The following ITGA2 variants were observed in gnomAD, a reference collection of about 807,000 sequenced individuals.
ITGA2 encodes the protein integrin alpha-2.
ITGA2 carries 101 observed loss-of-function variants against 146.3 expected under a neutral mutation model. The observed-to-expected ratio is 0.69, with a 90% CI of 0.59 to 0.81. The LOEUF (loss-of-function observed/expected upper bound fraction) is 0.81, where lower values mean the gene tolerates loss of function less well. Ranked by LOEUF, ITGA2 falls within the 40% of genes least tolerant of loss-of-function variation. The pLI, the probability that ITGA2 is intolerant of heterozygous loss-of-function variation, is 0.00. For synonymous variants in ITGA2, 477 were observed against 487.1 expected, an observed-to-expected ratio of 0.98 and a Z score of 0.27; for missense variants, 1,281 against 1,402.7, an observed-to-expected ratio of 0.91 and a Z score of 1.39.
At chr5:53,075,579 C>T (rs145906249) in intron 23 of ITGA2, among the ~76,000 whole-genome samples, 273 of 152,038 alleles carry the variant, frequency 1.8e-3, no homozygotes, top group Admixed American at 4.5e-3. Context: ...ATTGCAGGCC[C>T]TCTGAGTAGC....
In ITGA2 at chr5:53,058,046, A is replaced by G. The variant is rs199761570; in HGVS notation, c.1118A>G (p.Asn373Ser). 9.9e-6 allele frequency: 16 copies of G among 1,611,466 alleles called. No homozygotes were observed. The East Asian group carries it at 1.3e-4, about 14-fold the overall frequency. Residue 373 changes from asparagine (N) to serine (S), a missense_variant, in exon 10 of 30, where the codon AAC becomes AGC. Asn to Ser is a conservative substitution (Grantham distance 46, BLOSUM62 1). Transcript: ENST00000296585. Reference sequence around the variant, plus strand: ...CCAGGTACTGTTCAAGGAGGAGACAACTTTCAGATGGAAATGTCACAAGTG... The same window carrying G: ...CCAGGTACTGTTCAAGGAGGAGACAGCTTTCAGATGGAAATGTCACAAGTG... ...SIEGTVQGGD[N>S]FQMEMSQVGF... is the part of the protein sequence containing the mutation.
Position 53,087,030 on chromosome 5 carries a change from A to G in ITGA2, c.3337A>G (p.Asn1113Asp). The change falls in exon 28 of 30, where the codon AAC (asparagine) becomes GAC (aspartate). Residue 1113 changes from asparagine (N) to aspartate (D), a missense_variant. Transcript: ENST00000296585. Reference sequence around the variant, plus strand: ...CCCTGAGATATATGTGATTGAAGATAACACTGTTACGGTGAGCATATCACA... The same window carrying G: ...CCCTGAGATATATGTGATTGAAGATGACACTGTTACGGTGAGCATATCACA... ...YNPEIYVIED[N>D]TVTIPLMIMK... The G allele has an allele frequency of 6.2e-7, 1 of 1,612,156 alleles. No homozygotes were observed. The highest frequency in any genetic ancestry group is 8.5e-7 in the Non-Finnish European group (1 of 1,178,360).
chr5:53,028,101 C>A (rs889109976), intron 2 of ITGA2, among the ~76,000 whole-genome samples: 3 of 152,042 alleles, frequency 2.0e-5, no homozygotes, highest in South Asian at 2.1e-4. Flanking sequence ...GAGGAAAAAA[C>A]CGTAACTGTA....
intron 9 of ITGA2, among the ~76,000 whole-genome samples, chr5:53,056,535 G>A (rs187161091): frequency 6.6e-6 from 1 of 151,890 alleles, no homozygotes; most frequent in Admixed American, 6.6e-5. Context: ...GACTTTTGGG[G>A]GACAATGTAT....
rs1002194767 is a variant in ITGA2 at position 53,094,773 on chromosome 5, T to TAA, written c.*4175_*4176dup. On this transcript the variant is annotated 3_prime_UTR_variant, in exon 30 of 30. Transcript: ENST00000296585. ...TAAAGCCATTTTCTTTGGGCTTTTATAAGTTATATATTTTACTATTTTTAT... is the reference window on the plus strand; with the variant it reads ...TAAAGCCATTTTCTTTGGGCTTTTATAAAAGTTATATATTTTACTATTTTTAT... 14 of 152,232 alleles carry TAA rather than the reference T, an allele frequency of 9.2e-5. No homozygotes were observed. Among genetic ancestry groups the TAA allele is most frequent in the African/African-American group, 3.4e-4 (14 of 41,458 alleles). The allele number at this position is 152,232 out of a possible 1,614,324, so 9.4% of individuals were successfully genotyped here.
chr5:53,083,539 A>T (rs956058724), intron 27 of ITGA2, 86 bp downstream of exon 27: 10 of 881,208 alleles, frequency 1.1e-5, no homozygotes, highest in Non-Finnish European at 1.7e-5. Flanking sequence ...TGACAAAATA[A>T]GTATTCTGGC....
At chr5:53,073,391 C>T (rs965109507) in intron 20 of ITGA2, 132 bp downstream of exon 20, 28 of 990,844 alleles carry the variant, frequency 2.8e-5, no homozygotes, top group South Asian at 2.3e-4. Flanking sequence ...TTGTGGCTTC[C>T]GACTAGTTAA....
intron 17 of ITGA2, among the ~76,000 whole-genome samples, chr5:53,070,508 A>G (rs1444879506): frequency 2.0e-5 from 3 of 151,978 alleles, no homozygotes; most frequent in Non-Finnish European, 4.4e-5. Context: ...TACAATTCTT[A>G]AAGAAATCAT....
chr5:53,013,027 A>G (rs779566902), intron 1 of ITGA2, among the ~76,000 whole-genome samples: 7 of 152,066 alleles, frequency 4.6e-5, no homozygotes, highest in Admixed American at 2.0e-4. Flanking sequence ...TAGTTTTCGA[A>G]TATTCTCTCC....
chr5:53,059,220 C>T (rs1345183995), intron 10 of ITGA2, among the ~76,000 whole-genome samples: 1 of 151,966 alleles, frequency 6.6e-6, no homozygotes, highest in Non-Finnish European at 1.5e-5. Context: ...TTCCTTTGCC[C>T]TCCCCACAGG....
At chr5:53,059,472 T>C (rs1272331138) in intron 10 of ITGA2, among the ~76,000 whole-genome samples, 1 of 151,942 alleles carries the variant, frequency 6.6e-6, no homozygotes, top group African/African-American at 2.4e-5. Context: ...TTCTCAAGCA[T>C]GTCTCATATC....
chr5:53,075,271 C>A lies in ITGA2; in HGVS notation c.2792C>A (p.Pro931His). The change falls in exon 23 of 30, where the codon CCT (proline) becomes CAT (histidine). Residue 931 changes from proline (P) to histidine (H), a missense_variant. Coordinates refer to ENST00000296585, the MANE Select transcript of ITGA2 (RefSeq NM_002203.4). ...GATAATTTGGTCAACCTCAAAATTC[C>A]TCTCCTGTATGATGCTGAAATTCAC... ...KADNLVNLKI[P>H]LLYDAEIHLT... 6.2e-7 allele frequency: 1 copy of A among 1,612,656 alleles called. No individual in the cohort carries two copies. Among genetic ancestry groups the A allele is most frequent in the Non-Finnish European group, 8.5e-7 (1 of 1,179,278 alleles).
At chr5:53,036,506 CTA>C (rs1337969169) in intron 2 of ITGA2, among the ~76,000 whole-genome samples, 1 of 152,202 alleles carries the variant, frequency 6.6e-6, no homozygotes, top group East Asian at 1.9e-4. Context: ...GCAGCCTAGA[CTA>C]TTCTGCCACT....
At position 53,051,466 on chromosome 5, in the gene ITGA2, A is replaced by G. The variant is rs1744359692; in HGVS notation, c.686A>G (p.Tyr229Cys). 9.3e-6 allele frequency: 15 copies of G among 1,613,532 alleles called. No individual in the cohort carries two copies. Among genetic ancestry groups the G allele is most frequent in the Non-Finnish European group, 1.2e-5 (14 of 1,179,564 alleles). ...NPRVVFNLNT[Y>C]KTKEEMIVAT... Reference sequence around the variant, plus strand: ...AGAGTTGTGTTTAACTTGAACACATATAAAACCAAAGAAGAAATGATTGTA... The same window carrying G: ...AGAGTTGTGTTTAACTTGAACACATGTAAAACCAAAGAAGAAATGATTGTA... The change falls in exon 7 of 30, where the codon TAT becomes TGT. Residue 229 changes from tyrosine to cysteine, a missense_variant. By Grantham distance (194) the Tyr-to-Cys change is radical. This residue lies in a region of ITGA2 where 795 missense variants were observed against 841.7 expected (regional missense o/e 0.94). Coordinates refer to ENST00000296585, the MANE Select transcript of ITGA2 (RefSeq NM_002203.4).
intron 1 of ITGA2, among the ~76,000 whole-genome samples, chr5:53,014,227 G>A (rs1029164244): frequency 6.6e-6 from 1 of 152,102 alleles, no homozygotes; most frequent in Admixed American, 6.5e-5. Context: ...TATGATGTTG[G>A]CTGTGGGTTT....
Position 53,081,502 on chromosome 5 carries a change from A to G in ITGA2, c.3040-90A>G, listed in dbSNP as rs1411570548. On this transcript the variant is annotated intron_variant, in intron 25 of 29. Coordinates refer to ENST00000296585, the MANE Select transcript of ITGA2 (RefSeq NM_002203.4). ...GCCTAACAGCCCTTCCCAGACCCCTACAAGTGACAGTAGGATTTCCTAACA... is the reference window on the plus strand; with the variant it reads ...GCCTAACAGCCCTTCCCAGACCCCTGCAAGTGACAGTAGGATTTCCTAACA... The G allele has an allele frequency of 8.9e-6, 9 of 1,006,524 alleles. No homozygotes were observed. The Admixed American group carries it at 1.4e-4, about 15-fold the overall frequency. 62.3% of individuals were successfully genotyped at this position (1,006,524 alleles called of 1,614,324 possible).
intron 23 of ITGA2, among the ~76,000 whole-genome samples, chr5:53,077,983 G>C (rs1745739151): frequency 6.6e-6 from 1 of 152,008 alleles, no homozygotes; most frequent in African/African-American, 2.4e-5. Flanking sequence ...AAGCTACCCT[G>C]GTTGGAATCC....
chr5:53,072,081 T>C (rs1561143461), intron 18 of ITGA2, 33 bp downstream of exon 18: 2 of 1,452,112 alleles, frequency 1.4e-6, no homozygotes, highest in Admixed American at 1.7e-5. Context: ...GGATTTAGAC[T>C]GGCAAATAAA....
intron 1 of ITGA2, among the ~76,000 whole-genome samples, chr5:53,021,445 T>C (rs966320716): frequency 2.0e-5 from 3 of 152,236 alleles, no homozygotes; most frequent in Non-Finnish European, 4.4e-5. Context: ...CCTAAGTGCC[T>C]AAACACTGTT....
Sources: gnomAD v4.1 joint callset for allele counts (sites outside exome capture counted in the v4.1 genomes callset) on GRCh38, gnomAD v4.1.1 for gene constraint, gnomAD v4.1.1 regional missense constraint, MANE v1.5 for transcripts, NCBI Gene and HGNC (gene_info 2026-07-23, HGNC 2026-07-21) for gene names.